Variants in CDH13 observed in about 807,000 individuals in gnomAD.
CDH13 encodes the protein cadherin 13.
A neutral mutation model predicts 63.8 loss-of-function variants in CDH13; 24 were observed. The ratio of observed to expected loss-of-function variants is 0.38; its 90% CI spans 0.27 to 0.53. CDH13 has a LOEUF of 0.53. Among genes scored for constraint, CDH13 ranks in the 20% least tolerant of loss-of-function variants. The pLI is 0.85. For missense variants in CDH13, 1,049 were observed against 903.1 expected (o/e 1.16, Z -2.07); for synonymous variants, 503 against 355.3 (o/e 1.42, Z -4.67).
intron 10 of CDH13, among the ~76,000 whole-genome samples, chr16:83,737,842 C>T (rs575446179): frequency 6.6e-6 from 1 of 152,278 alleles, no homozygotes; most frequent in East Asian, 1.9e-4. Context: ...GGCAGAGATC[C>T]ACATTGGAAC....
chr16:83,590,717 A>C (rs1444108005), intron 7 of CDH13, among the ~76,000 whole-genome samples: 2 of 152,192 alleles, frequency 1.3e-5, no homozygotes, highest in African/African-American at 4.8e-5. Flanking sequence ...GTACATCTTG[A>C]CCTGCATTGA....
intron 1 of CDH13, among the ~76,000 whole-genome samples, chr16:82,681,833 A>G (rs1404562494): frequency 1.3e-5 from 2 of 152,236 alleles, no homozygotes; most frequent in Non-Finnish European, 2.9e-5. Context: ...TGTAAACACC[A>G]ACTTCCCTGC....
intron 2 of CDH13, chr16:82,953,143 G>T (rs897610924): frequency 6.6e-6 from 1 of 152,076 alleles, no homozygotes; most frequent in Non-Finnish European, 1.5e-5. Context: ...AGGAAACTTG[G>T]CGTGGGCTAG....
chr16:82,946,998 G>A (rs186692566), intron 2 of CDH13, among the ~76,000 whole-genome samples: 36 of 143,060 alleles, frequency 2.5e-4, no homozygotes, highest in East Asian at 1.1e-3. Context: ...TTATAAGTGC[G>A]CACGCCTGTG....
chr16:82,880,139 A>G (rs2040649876), intron 2 of CDH13, among the ~76,000 whole-genome samples: 1 of 151,892 alleles, frequency 6.6e-6, no homozygotes, highest in Non-Finnish European at 1.5e-5. Flanking sequence ...TACTGATCAT[A>G]CCTACTGATC....
intron 7 of CDH13, among the ~76,000 whole-genome samples, chr16:83,487,070 A>T (rs1469237316): frequency 6.6e-6 from 1 of 151,332 alleles, no homozygotes; most frequent in Non-Finnish European, 1.5e-5. Context: ...AATGCCCATG[A>T]CTCCTTTCTC....
At chr16:83,257,097 A>T (rs1019955282) in intron 5 of CDH13, among the ~76,000 whole-genome samples, 1 of 152,114 alleles carries the variant, frequency 6.6e-6, no homozygotes, top group Non-Finnish European at 1.5e-5. Context: ...GGCACCTAGG[A>T]ATACAGAAAG....
At chr16:82,867,503 C>A (rs1002206274) in intron 2 of CDH13, among the ~76,000 whole-genome samples, 2 of 152,228 alleles carry the variant, frequency 1.3e-5, no homozygotes, top group South Asian at 2.1e-4. Context: ...AGCTTTCCAC[C>A]CTCTCTGTTA....
At chr16:83,486,865 G>A (rs146216842) in intron 7 of CDH13, among the ~76,000 whole-genome samples, 237 of 152,226 alleles carry the variant, frequency 1.6e-3, no homozygotes, top group African/African-American at 5.7e-3. Context: ...TAAAGCGCCT[G>A]GAACTGTTTG....
chr16:83,329,167 G>A (rs948756841), intron 5 of CDH13, among the ~76,000 whole-genome samples: 1 of 152,190 alleles, frequency 6.6e-6, no homozygotes, highest in Non-Finnish European at 1.5e-5. Context: ...TTGAATTTCA[G>A]AAATCTGCAT....
chr16:83,074,171 C>T (rs1424055455), intron 3 of CDH13, among the ~76,000 whole-genome samples: 1 of 152,190 alleles, frequency 6.6e-6, no homozygotes, highest in Non-Finnish European at 1.5e-5. Flanking sequence ...TCCTTCCCAG[C>T]CTCTGGTAAC....
intron 2 of CDH13, among the ~76,000 whole-genome samples, chr16:83,006,335 C>G (rs1212350128): frequency 2.0e-5 from 3 of 152,196 alleles, no homozygotes; most frequent in African/African-American, 7.2e-5. Context: ...ATCCGAGAGG[C>G]TTTCTCCCAG....
In CDH13 at chr16:83,663,173, G is replaced by A. The variant is rs1055500289; in HGVS notation, c.1102-7617G>A. On this transcript the variant is annotated intron_variant, in intron 8 of 13. Coordinates refer to ENST00000567109, the MANE Select transcript of CDH13 (RefSeq NM_001257.5). ...AATCAACTGATGGAGTGGTTACCCC[G>A]GAGTCAGGTAATCAGCTCTGGGTCC... 1.1e-4 allele frequency among the ~76,000 whole-genome samples: 16 copies of A among 152,224 alleles called. No individual in the cohort carries two copies. In the East Asian group the frequency reaches 1.9e-3, roughly 18 times the overall value.
chr16:82,742,614 TTC>T (rs1038423372), intron 1 of CDH13, among the ~76,000 whole-genome samples: 2 of 152,186 alleles, frequency 1.3e-5, no homozygotes, highest in Non-Finnish European at 2.9e-5. Context: ...AAATATGAAA[TTC>T]TGTTTTCTCT....
At chr16:83,367,232 C>T (rs902406936) in intron 6 of CDH13, among the ~76,000 whole-genome samples, 4 of 152,098 alleles carry the variant, frequency 2.6e-5, no homozygotes, top group Non-Finnish European at 5.9e-5. Flanking sequence ...CAATATGTGG[C>T]CTTTTGTGTG....
intron 1 of CDH13, among the ~76,000 whole-genome samples, chr16:82,791,475 T>A (rs1223809392): frequency 6.6e-6 from 1 of 152,230 alleles, no homozygotes; most frequent in Non-Finnish European, 1.5e-5. Context: ...GAGCAGGGTG[T>A]GGTAACCCCC....
At chr16:83,277,657 C>G (rs777539544) in intron 5 of CDH13, among the ~76,000 whole-genome samples, 22 of 152,076 alleles carry the variant, frequency 1.4e-4, no homozygotes, top group Non-Finnish European at 2.6e-4. Context: ...CATCATTGAA[C>G]CAGACTCAAA....
At chr16:83,271,892 A>G (rs1381012463) in intron 5 of CDH13, among the ~76,000 whole-genome samples, 1 of 152,212 alleles carries the variant, frequency 6.6e-6, no homozygotes, top group African/African-American at 2.4e-5. Context: ...AGCTGGATTA[A>G]TCTCTTCAAA....
At chr16:83,576,376 A>G (rs1271129577) in intron 7 of CDH13, among the ~76,000 whole-genome samples, 3 of 152,186 alleles carry the variant, frequency 2.0e-5, no homozygotes, top group African/African-American at 7.2e-5. Context: ...ATTTTCTTGT[A>G]TGGGTGGAGC....
Sources: gnomAD v4.1 joint callset for allele counts (sites outside exome capture counted in the v4.1 genomes callset) on GRCh38, gnomAD v4.1.1 for gene constraint, MANE v1.5 for transcripts, NCBI Gene and HGNC (gene_info 2026-07-23, HGNC 2026-07-21) for gene names.